Variants in PARD3 observed in about 807,000 individuals in gnomAD.
The protein encoded by PARD3 is partitioning defective 3 homolog.
Under a neutral mutation model 155.4 loss-of-function variants are expected in PARD3, and 75 were observed. That is an observed-to-expected ratio of 0.48 (90% confidence interval 0.40 to 0.58). The LOEUF (loss-of-function observed/expected upper bound fraction) is 0.58, where lower values mean the gene tolerates loss of function less well. Ranked by LOEUF, PARD3 falls within the 20% of genes least tolerant of loss-of-function variation. The pLI, the probability that PARD3 is intolerant of heterozygous loss-of-function variation, is 0.00. For missense variants in PARD3, 1,642 were observed against 1,721.7 expected (o/e 0.95, Z 0.82); for synonymous variants, 576 against 610.5 (o/e 0.94, Z 0.83).
In PARD3 at chr10:34,456,831, GATA is replaced by G. The variant is rs1243543594; in HGVS notation, c.583-6386_583-6384del. On this transcript the variant is annotated intron_variant, in intron 4 of 24. Transcript: ENST00000374788. ...ATGAACTATATCATTCTTCACATTT[GATA>G]ATATCTTTTCTAGTCATTCTGATAC... Among the ~76,000 whole-genome samples, 5 of 152,020 alleles carry G rather than the reference GATA, an allele frequency of 3.3e-5. No homozygotes were observed. The East Asian group carries it at 7.7e-4, about 24-fold the overall frequency.
chr10:34,737,127 A>G (rs984448990), intron 1 of PARD3, among the ~76,000 whole-genome samples: 1 of 152,224 alleles, frequency 6.6e-6, no homozygotes, highest in African/African-American at 2.4e-5. Context: ...AAGGGGAGAA[A>G]GGGGGACGGA....
intron 22 of PARD3, among the ~76,000 whole-genome samples, chr10:34,179,031 A>T (rs1197448143): frequency 1.3e-5 from 2 of 152,084 alleles, no homozygotes; most frequent in Admixed American, 6.5e-5. Context: ...CTCACCTCCC[A>T]GGGGAACTGA....
rs2083860314 is a variant in PARD3, at chr10:34,544,129, C to A, written c.223-26970G>T. Among the ~76,000 whole-genome samples the A allele has an allele frequency of 2.0e-5, 3 of 152,090 alleles. No homozygotes were observed. The South Asian group carries it at 6.2e-4, about 32-fold the overall frequency. ...AGCTATAAAATAAATTTAAAAGGAT[C>A]CTAGCCTAACTTTTCTTTTTGAATT... is the stretch of plus-strand genomic sequence containing the variant. On this transcript the variant is annotated intron_variant, in intron 2 of 24. Transcript: ENST00000374788.
Position 34,131,488 on chromosome 10 carries a change from C to T in PARD3, c.3515G>A (p.Arg1172Gln), listed in dbSNP as rs754646212. ...CCAGGGTTGCTCAAAACTATAGGTC[C>T]GCCGACGATCTTCTACATCTTCATC... ...KQDEDVEDRR[R>Q]TYSFEQPWPN... The change falls in exon 23 of 25, where the codon CGG becomes CAG. Residue 1172 changes from arginine to glutamine, a missense_variant. Physicochemically the swap from Arg to Gln is conservative, Grantham distance 43. Transcript: ENST00000374788. 4.0e-5 allele frequency: 65 copies of T among 1,614,054 alleles called. 1 individual carries two copies. The highest frequency in any genetic ancestry group is 2.3e-4 in the South Asian group (21 of 91,074).
chr10:34,464,119 G>GA (rs34445178), intron 4 of PARD3, among the ~76,000 whole-genome samples: 3,584 of 145,284 alleles, frequency 0.025, 55 homozygotes, highest in Admixed American at 0.036. Flanking sequence ...GGTCCTGCGG[G>GA]AAAAAAAAAA....
At chr10:34,122,426 G>A (rs575244597) in intron 23 of PARD3, among the ~76,000 whole-genome samples, 2 of 152,290 alleles carry the variant, frequency 1.3e-5, no homozygotes, top group African/African-American at 4.8e-5. Flanking sequence ...CAAGTATCTA[G>A]TTGGATCTGG....
In PARD3 at chr10:34,786,959, G is replaced by A. The variant is rs568983798; in HGVS notation, c.120+27917C>T. Among the ~76,000 whole-genome samples, 166 of 152,208 alleles carry A rather than the reference G, an allele frequency of 1.1e-3. 1 individual carries two copies. Among genetic ancestry groups the A allele is most frequent in the African/African-American group, 3.6e-3 (148 of 41,522 alleles). On this transcript the variant is annotated intron_variant, in intron 1 of 24. Coordinates refer to ENST00000374788, the MANE Select transcript of PARD3 (RefSeq NM_001184785.2). ...GCTCTAAACACATGTTATCTAAAAC[G>A]ACTAGTCTAAAAATTAGCACCACAT...
intron 2 of PARD3, among the ~76,000 whole-genome samples, chr10:34,641,200 A>G (rs2092668451): frequency 6.6e-6 from 1 of 152,204 alleles, no homozygotes; most frequent in African/African-American, 2.4e-5. Flanking sequence ...TTTATTTTAT[A>G]ATTAAAAGAA....
At chr10:34,471,023 A>G (rs181047260) in intron 3 of PARD3, among the ~76,000 whole-genome samples, 5 of 152,336 alleles carry the variant, frequency 3.3e-5, no homozygotes, top group African/African-American at 1.2e-4. Flanking sequence ...TTAAAAATCT[A>G]TAGAATCTAG....
intron 2 of PARD3, among the ~76,000 whole-genome samples, chr10:34,612,281 T>C (rs2090968504): frequency 6.6e-6 from 1 of 152,128 alleles, no homozygotes; most frequent in Non-Finnish European, 1.5e-5. Context: ...TGAAAAATAA[T>C]AATAATTAAA....
intron 1 of PARD3, among the ~76,000 whole-genome samples, chr10:34,744,361 T>TAG (rs1835039961): frequency 6.6e-6 from 1 of 152,148 alleles, no homozygotes; most frequent in South Asian, 2.1e-4. Flanking sequence ...TAAAAAAACT[T>TAG]TTTCTAAGTT....
At chr10:34,651,045 A>C (rs2092999400) in intron 2 of PARD3, among the ~76,000 whole-genome samples, 1 of 144,668 alleles carries the variant, frequency 6.9e-6, no homozygotes, top group South Asian at 2.2e-4. Flanking sequence ...AAAAAAAAAA[A>C]AAAAGGCAGT....
intron 21 of PARD3, among the ~76,000 whole-genome samples, chr10:34,275,938 G>A (rs953056497): frequency 2.0e-5 from 3 of 151,730 alleles, no homozygotes; most frequent in East Asian, 1.9e-4. Context: ...CATTTATCTC[G>A]GGCCAAACCT....
rs2134351510 is a variant in PARD3 at position 34,345,979 on chromosome 10, T to C, written c.2218+1986A>G. ...AATCCCTAGTTTCCGTTACAAATTG[T>C]AAAAATTATCTTAAGAAAATATCCA... is the stretch of plus-strand genomic sequence containing the variant. On this transcript the variant is annotated intron_variant, in intron 15 of 24. Coordinates refer to ENST00000374788, the MANE Select transcript of PARD3 (RefSeq NM_001184785.2). 6.1e-6 allele frequency: 6 copies of C among 984,598 alleles called. No homozygotes were observed. In the South Asian group the frequency reaches 2.4e-4, roughly 39 times the overall value. 61.0% of individuals were successfully genotyped at this position (984,598 alleles called of 1,614,324 possible). A position where few individuals can be genotyped will look rare whatever the true frequency, so the allele number is the denominator to read the frequency against.
intron 22 of PARD3, among the ~76,000 whole-genome samples, chr10:34,181,870 A>T (rs1470746135): frequency 2.0e-5 from 3 of 152,130 alleles, no homozygotes; most frequent in African/African-American, 7.2e-5. Context: ...CCAAATTTTA[A>T]CATCAAGATT....
At chr10:34,776,932 G>A (rs1483101676) in intron 1 of PARD3, among the ~76,000 whole-genome samples, 3 of 148,928 alleles carry the variant, frequency 2.0e-5, no homozygotes, top group Non-Finnish European at 4.4e-5. Flanking sequence ...TGCCTCCCAA[G>A]TTCAAGCGAT....
At chr10:34,482,575 G>A (rs2079153115) in intron 3 of PARD3, among the ~76,000 whole-genome samples, 1 of 144,230 alleles carries the variant, frequency 6.9e-6, no homozygotes, top group African/African-American at 2.9e-5. Context: ...AACAGGGACA[G>A]TTAGAAGAGT....
At chr10:34,528,748 C>T (rs2082641295) in intron 2 of PARD3, among the ~76,000 whole-genome samples, 1 of 152,136 alleles carries the variant, frequency 6.6e-6, no homozygotes. Flanking sequence ...CATTAACACA[C>T]AGCAGTTTAA....
chr10:34,302,511 A>T (rs534666121), intron 20 of PARD3, among the ~76,000 whole-genome samples: 63 of 152,300 alleles, frequency 4.1e-4, no homozygotes, highest in African/African-American at 1.5e-3. Context: ...ATTTGAACTC[A>T]GGACATCTAA....
Sources: gnomAD v4.1 joint callset for allele counts (sites outside exome capture counted in the v4.1 genomes callset) on GRCh38, gnomAD v4.1.1 for gene constraint, MANE v1.5 for transcripts, NCBI Gene and HGNC (gene_info 2026-07-23, HGNC 2026-07-21) for gene names.